The following RPRD2 variants were observed in gnomAD, a reference collection of about 807,000 sequenced individuals.
The protein encoded by RPRD2 is regulation of nuclear pre-mRNA domain-containing protein 2.
A neutral mutation model predicts 104.4 loss-of-function variants in RPRD2; 12 were observed. The ratio of observed to expected loss-of-function variants is 0.11; its 90% confidence interval spans 0.07 to 0.19. The LOEUF is 0.19. RPRD2 is among the 10% of genes least tolerant of loss of function. The pLI is 1.00. For synonymous variants in RPRD2, 714 were observed against 684.9 expected, an observed-to-expected ratio of 1.04 and a Z score of -0.66; for missense variants, 1,543 against 1,790.1, an observed-to-expected ratio of 0.86 and a Z score of 2.49.
intron 4 of RPRD2, among the ~76,000 whole-genome samples, chr1:150,442,339 G>C (rs1553894646): frequency 1.3e-5 from 2 of 152,150 alleles, no homozygotes; most frequent in Admixed American, 6.6e-5. Context: ...TAGGCATTAA[G>C]AAGCATTTCT....
At chr1:150,444,945 G>T (rs1161116387) in intron 6 of RPRD2, among the ~76,000 whole-genome samples, 1 of 152,286 alleles carries the variant, frequency 6.6e-6, no homozygotes, top group Middle Eastern at 3.4e-3. Context: ...TCAGCACTTT[G>T]GGAAGCCAGG....
chr1:150,383,820 T>C (rs1376166454), intron 1 of RPRD2, among the ~76,000 whole-genome samples: 2 of 152,178 alleles, frequency 1.3e-5, no homozygotes, highest in African/African-American at 4.8e-5. Context: ...GGATAAGAAT[T>C]CACTTCTGTC....
chr1:150,402,981 A>C (rs587697511), intron 1 of RPRD2, among the ~76,000 whole-genome samples: 3 of 148,202 alleles, frequency 2.0e-5, no homozygotes, highest in African/African-American at 7.3e-5. Flanking sequence ...AAAAACAAAA[A>C]CAAAAAAGAT....
Position 150,470,822 on chromosome 1 carries a change from C to T in RPRD2, c.1874C>T (p.Pro625Leu). The T allele has an allele frequency of 6.2e-7, 1 of 1,614,002 alleles. No homozygotes were observed. Among genetic ancestry groups the T allele is most frequent in the Non-Finnish European group, 8.5e-7 (1 of 1,179,906 alleles). ...PGLPSTTFKL[P>L]SNSLGFTATH... ...CTCCCAAGCACTACTTTTAAACTAC[C>T]TTCCAACTCTTTGGGGTTTACAGCT... The change falls in exon 11 of 11, where the codon CCT becomes CTT. Residue 625 changes from proline to leucine, a missense_variant. Pro to Leu is a moderately conservative substitution (Grantham distance 98). Around this residue, in one of 4 missense-constraint regions of RPRD2, gnomAD observed 572 missense variants for 787.3 expected, o/e 0.73. Coordinates refer to ENST00000369068, the MANE Select transcript of RPRD2 (RefSeq NM_015203.5).
chr1:150,366,433 C>G (rs587699850), intron 1 of RPRD2, among the ~76,000 whole-genome samples: 129 of 152,310 alleles, frequency 8.5e-4, no homozygotes, highest in Admixed American at 1.6e-3. Context: ...ACAGAATTAC[C>G]TGTGTTTACC....
At chr1:150,413,586 A>G (rs952604513) in intron 1 of RPRD2, among the ~76,000 whole-genome samples, 8 of 150,826 alleles carry the variant, frequency 5.3e-5, no homozygotes, top group African/African-American at 2.0e-4. Context: ...CTGGGCAACA[A>G]GAGTGAAACT....
At chr1:150,439,318 T>C (rs1239580139) in intron 2 of RPRD2, among the ~76,000 whole-genome samples, 1 of 152,168 alleles carries the variant, frequency 6.6e-6, no homozygotes, top group Non-Finnish European at 1.5e-5. Context: ...CTTAGAGATA[T>C]TGAGATTTCA....
Position 150,464,561 on chromosome 1 carries a change from G to A in RPRD2, c.1446G>A (p.Thr482=), listed in dbSNP as rs372930758. The A allele has an allele frequency of 1.5e-5, 24 of 1,603,668 alleles. No individual in the cohort carries two copies. The highest frequency in any genetic ancestry group is 6.9e-5 in the Admixed American group (4 of 58,354). ...VSPASRPSPG[T]PTSPSNLTSG... is the part of the protein sequence containing the mutation. ...CTGCATCAAGACCTTCTCCAGGAAC[G>A]CCCACCAGCCCCAGCAACCTCACCA... The change falls in exon 10 of 11, where the codon ACG becomes ACA. Residue 482 remains threonine, a synonymous_variant. Coordinates refer to ENST00000369068, the MANE Select transcript of RPRD2 (RefSeq NM_015203.5).
intron 9 of RPRD2, among the ~76,000 whole-genome samples, chr1:150,460,986 A>G (rs1667898759): frequency 6.6e-6 from 1 of 152,164 alleles, no homozygotes; most frequent in Admixed American, 6.5e-5. Context: ...TGGCCTCCCA[A>G]AGTGCTGGGA....
At chr1:150,446,885 G>C (rs1034491917) in intron 7 of RPRD2, among the ~76,000 whole-genome samples, 9 of 143,338 alleles carry the variant, frequency 6.3e-5, no homozygotes, top group African/African-American at 1.0e-4. Context: ...GCCCAGGCTA[G>C]AGTGCAGTGG....
intron 2 of RPRD2, among the ~76,000 whole-genome samples, chr1:150,434,230 C>T (rs1665845343): frequency 6.6e-6 from 1 of 152,052 alleles, no homozygotes; most frequent in South Asian, 2.1e-4. Flanking sequence ...TGGTGTATGC[C>T]TTGTAATCCC....
In RPRD2 at chr1:150,472,528, C is replaced by T; in HGVS notation, c.3580C>T (p.Leu1194Phe). 8 of 1,613,990 alleles carry T rather than the reference C, an allele frequency of 5.0e-6. No individual in the cohort carries two copies. Among genetic ancestry groups the T allele is most frequent in the Non-Finnish European group, 6.8e-6 (8 of 1,179,888 alleles). ...TTTCAACTCAACATTTGAGCATCAT[C>T]TTCCCCCATCCCCCTTGGAACATGG... ...NSFNSTFEHH[L>F]PPSPLEHGTP... The change falls in exon 11 of 11, where the codon CTT becomes TTT. Residue 1194 changes from leucine (L) to phenylalanine (F), a missense_variant. Leu to Phe is a conservative substitution (Grantham distance 22). Around this residue, in one of 4 missense-constraint regions of RPRD2, gnomAD observed 880 missense variants for 885.6 expected, o/e 0.99. Transcript: ENST00000369068.
intron 7 of RPRD2, among the ~76,000 whole-genome samples, 195 bp from the exon 8 acceptor site, chr1:150,457,093 G>A (rs1339396129): frequency 2.0e-5 from 3 of 151,928 alleles, no homozygotes; most frequent in African/African-American, 4.8e-5. Context: ...GCATGGTGAT[G>A]TGTTCCTGTG....
At chr1:150,367,503 G>T (rs1202952381) in intron 1 of RPRD2, among the ~76,000 whole-genome samples, 1 of 151,958 alleles carries the variant, frequency 6.6e-6, no homozygotes, top group East Asian at 1.9e-4. Context: ...TTTTCCTGAT[G>T]CCACTTTGCT....
chr1:150,449,118 A>G (rs1233204901), intron 7 of RPRD2, among the ~76,000 whole-genome samples: 6 of 152,132 alleles, frequency 3.9e-5, no homozygotes, highest in African/African-American at 1.2e-4. Flanking sequence ...GAAGAAAGAA[A>G]AGGAAAAATA....
intron 9 of RPRD2, 88 bp from the exon 10 acceptor site, chr1:150,464,439 T>C (rs1553899444): frequency 1.0e-6 from 1 of 958,394 alleles, no homozygotes; most frequent in African/African-American, 1.7e-5. Context: ...TCCTGTTAAA[T>C]ATATCAAACT....
chr1:150,417,491 A>G, intron 1 of RPRD2, 105 bp from the exon 2 acceptor site: 1 of 954,384 alleles, frequency 1.0e-6, no homozygotes, highest in Non-Finnish European at 1.5e-6. Context: ...CATGTAAGAA[A>G]AAAAAAATAA....
chr1:150,396,441 A>G (rs782535556), intron 1 of RPRD2, among the ~76,000 whole-genome samples: 8 of 152,114 alleles, frequency 5.3e-5, no homozygotes, highest in Non-Finnish European at 1.2e-4. Flanking sequence ...GCCAATGTCT[A>G]GAAGGGTTTT....
At chr1:150,449,549 A>T (rs190461959) in intron 7 of RPRD2, among the ~76,000 whole-genome samples, 2 of 150,322 alleles carry the variant, frequency 1.3e-5, no homozygotes, top group Admixed American at 1.3e-4. Flanking sequence ...TCCTTTCTCC[A>T]TCCCTCTTCC....
Sources: gnomAD v4.1 joint callset for allele counts (sites outside exome capture counted in the v4.1 genomes callset) on GRCh38, gnomAD v4.1.1 for gene constraint, gnomAD v4.1.1 regional missense constraint, MANE v1.5 for transcripts, NCBI Gene and HGNC (gene_info 2026-07-23, HGNC 2026-07-21) for gene names.